SH3PXD2A: variants seen among roughly 807,000 people sequenced by gnomAD.
SH3PXD2A encodes the protein SH3 and PX domain-containing protein 2A.
Under a neutral mutation model 115.2 loss-of-function variants are expected in SH3PXD2A, and 32 were observed. The ratio of observed to expected loss-of-function variants is 0.28; its 90% CI spans 0.21 to 0.37. The LOEUF is 0.37. Ranked by LOEUF, SH3PXD2A falls within the 10% of genes least tolerant of loss-of-function variation. SH3PXD2A has a pLI of 1.00. For synonymous variants in SH3PXD2A, 610 were observed against 629.1 expected, an observed-to-expected ratio of 0.97 and a Z score of 0.45; for missense variants, 1,328 against 1,498.7, an observed-to-expected ratio of 0.89 and a Z score of 1.88.
chr10:103,688,977 C>T (rs943366073), intron 6 of SH3PXD2A, among the ~76,000 whole-genome samples: 11 of 152,244 alleles, frequency 7.2e-5, no homozygotes, highest in African/African-American at 2.6e-4. Context: ...AGTGATCCTC[C>T]CACCTTAGCC....
At chr10:103,790,903 A>C (rs549954437) in intron 2 of SH3PXD2A, among the ~76,000 whole-genome samples, 1 of 152,272 alleles carries the variant, frequency 6.6e-6, no homozygotes, top group African/African-American at 2.4e-5. Flanking sequence ...TAATTCCACC[A>C]CTGATTTCCC....
Position 103,602,847 on chromosome 10 carries a change from C to G in SH3PXD2A, c.2371G>C (p.Gly791Arg), listed in dbSNP as rs1753461663. The G allele has an allele frequency of 6.2e-7, 1 of 1,614,080 alleles. No individual in the cohort carries two copies. Among genetic ancestry groups the G allele is most frequent in the Admixed American group, 1.7e-5 (1 of 60,014 alleles). Reference protein sequence around the residue: ...QLRPTGQLRGGLKGSKSEDSE... With the variant: ...QLRPTGQLRGRLKGSKSEDSE... ...TCCTCACTCTTGGAGCCCTTGAGCC[C>G]TCCACGGAGCTGGCCTGTGGGTCTC... Residue 791 changes from glycine (G) to arginine (R), a missense_variant, in exon 15 of 15, where the codon GGG (glycine) becomes CGG (arginine). Physicochemically the swap from Gly to Arg is moderately radical, Grantham distance 125. Coordinates refer to ENST00000369774, the MANE Select transcript of SH3PXD2A (RefSeq NM_001394015.1).
At chr10:103,815,771 C>T (rs1489653977) in intron 1 of SH3PXD2A, among the ~76,000 whole-genome samples, 2 of 151,848 alleles carry the variant, frequency 1.3e-5, no homozygotes, top group Non-Finnish European at 2.9e-5. Context: ...CGCCTGTAAT[C>T]CCAGCTACTC....
At chr10:103,725,159 A>C (rs2038225156) in intron 4 of SH3PXD2A, among the ~76,000 whole-genome samples, 1 of 152,194 alleles carries the variant, frequency 6.6e-6, no homozygotes, top group African/African-American at 2.4e-5. Flanking sequence ...GATAACAATT[A>C]ACTGGTCAAG....
At chr10:103,655,254 C>A (rs1405449265) in intron 8 of SH3PXD2A, among the ~76,000 whole-genome samples, 3 of 152,198 alleles carry the variant, frequency 2.0e-5, no homozygotes, top group Admixed American at 1.3e-4. Context: ...TCACTGGAGC[C>A]AAACTCTTAA....
At position 103,798,779 on chromosome 10, in the gene SH3PXD2A, G is replaced by T. The variant is rs566161932; in HGVS notation, c.153+2503C>A. 2.1e-3 allele frequency among the ~76,000 whole-genome samples: 316 copies of T among 152,372 alleles called. 2 individuals are homozygous for T. The highest frequency in any genetic ancestry group is 7.3e-3 in the African/African-American group (305 of 41,594). ...CCCTGCCCCAGAGGACAGCTTCAGA[G>T]AGGAGCCTGAGGCCTACCTGGCTCT... On this transcript the variant is annotated intron_variant, in intron 2 of 14. Transcript: ENST00000369774.
chr10:103,763,286 C>T (rs773519952), intron 3 of SH3PXD2A, among the ~76,000 whole-genome samples: 10 of 152,186 alleles, frequency 6.6e-5, no homozygotes, highest in African/African-American at 2.4e-4. Flanking sequence ...AATCAGCTGG[C>T]CTAACACTCC....
At chr10:103,828,419 G>A (rs538138871) in intron 1 of SH3PXD2A, among the ~76,000 whole-genome samples, 1 of 152,306 alleles carries the variant, frequency 6.6e-6, no homozygotes, top group Non-Finnish European at 1.5e-5. Context: ...CAGCTTGGAA[G>A]CATCACCCTC....
At chr10:103,653,396 C>T (rs546221739) in intron 8 of SH3PXD2A, among the ~76,000 whole-genome samples, 7 of 152,270 alleles carry the variant, frequency 4.6e-5, no homozygotes, top group African/African-American at 1.7e-4. Flanking sequence ...CAGGTATTGC[C>T]CTGAGGCTAC....
At chr10:103,719,686 C>T (rs1298335992) in intron 5 of SH3PXD2A, among the ~76,000 whole-genome samples, 2 of 150,958 alleles carry the variant, frequency 1.3e-5, no homozygotes, top group Admixed American at 6.6e-5. Flanking sequence ...TACCTTCTTA[C>T]ACTAGGTAAT....
chr10:103,722,276 C>A (rs1391656393), intron 5 of SH3PXD2A, among the ~76,000 whole-genome samples: 1 of 147,524 alleles, frequency 6.8e-6, no homozygotes, highest in Admixed American at 6.8e-5. Context: ...TGCACTCCAG[C>A]CTGGGTGACA....
Position 103,598,449 on chromosome 10 carries a change from A to G in SH3PXD2A, c.*3367T>C, listed in dbSNP as rs2036165163. The stretch of plus-strand genomic sequence containing the variant: ...AAAAGAAAAAGGTCTTGAAACGGAA[A>G]GGAAAACAAAGCACCAAATGCTGCA... On this transcript the variant is annotated 3_prime_UTR_variant, in exon 15 of 15. Transcript: ENST00000369774. 1.3e-5 allele frequency: 2 copies of G among 152,700 alleles called. No individual in the cohort carries two copies. The highest frequency in any genetic ancestry group is 2.4e-5 in the African/African-American group (1 of 41,466). 9.5% of individuals were successfully genotyped at this position (152,700 alleles called of 1,614,324 possible). A position where few individuals can be genotyped will look rare whatever the true frequency, so the allele number is the denominator to read the frequency against.
At chr10:103,846,791 G>A (rs1456373766) in intron 1 of SH3PXD2A, among the ~76,000 whole-genome samples, 1 of 152,222 alleles carries the variant, frequency 6.6e-6, no homozygotes. Context: ...AGGCATCCTG[G>A]GTGTGTAATG....
chr10:103,699,060 G>A (rs1393787422), intron 5 of SH3PXD2A, among the ~76,000 whole-genome samples: 1 of 152,128 alleles, frequency 6.6e-6, no homozygotes, highest in Admixed American at 6.5e-5. Flanking sequence ...GAGTGATTTG[G>A]TCAGATCCTG....
At chr10:103,640,384 G>A (rs2036936532) in intron 8 of SH3PXD2A, among the ~76,000 whole-genome samples, 1 of 151,970 alleles carries the variant, frequency 6.6e-6, no homozygotes, top group South Asian at 2.1e-4. Context: ...AGGGAGGAGG[G>A]GTCTCCTGGG....
chr10:103,745,200 A>G (rs546419904), intron 3 of SH3PXD2A, among the ~76,000 whole-genome samples: 17 of 152,370 alleles, frequency 1.1e-4, no homozygotes, highest in African/African-American at 4.1e-4. Context: ...CCTATCAGAG[A>G]ATTAAGTCAA....
chr10:103,693,004 GA>G, intron 6 of SH3PXD2A, 23 bp downstream of exon 6: 2 of 1,604,500 alleles, frequency 1.2e-6, no homozygotes, highest in Non-Finnish European at 1.7e-6. Context: ...AGGCTGAAGG[GA>G]AAACGCCCGG....
chr10:103,803,927 G>A (rs74157354), intron 1 of SH3PXD2A, among the ~76,000 whole-genome samples: 23,706 of 152,178 alleles, frequency 0.16, 2,395 homozygotes, highest in Non-Finnish European at 0.21. Context: ...CTGGAAGGGT[G>A]AGACAACTCT....
intron 1 of SH3PXD2A, among the ~76,000 whole-genome samples, chr10:103,814,723 A>G (rs2039306545): frequency 2.0e-5 from 3 of 152,232 alleles, no homozygotes; most frequent in Non-Finnish European, 4.4e-5. Context: ...CTTTCAAATA[A>G]TAGTCTGAGC....
Sources: allele counts gnomAD v4.1 joint callset (sites outside exome capture counted in the v4.1 genomes callset), GRCh38; gene constraint gnomAD v4.1.1; transcripts MANE v1.5; gene names NCBI Gene and HGNC (gene_info 2026-07-23, HGNC 2026-07-21).